The following CCNY variants were observed in gnomAD, a reference collection of about 807,000 sequenced individuals.
CCNY encodes cyclin Y.
A neutral mutation model predicts 42.8 loss-of-function variants in CCNY; 19 were observed. That is an observed-to-expected ratio of 0.44 (90% CI 0.31 to 0.65). CCNY has a LOEUF of 0.65. CCNY is among the 30% of genes least tolerant of loss of function. CCNY has a pLI of 0.07. For missense variants in CCNY, 370 were observed against 437.3 expected, an observed-to-expected ratio of 0.85 and a Z score of 1.37; for synonymous variants, 165 against 162.7, an observed-to-expected ratio of 1.01 and a Z score of -0.11.
intron 8 of CCNY, among the ~76,000 whole-genome samples, chr10:35,561,711 A>G (rs1039718881): frequency 2.0e-5 from 3 of 152,234 alleles, no homozygotes; most frequent in African/African-American, 7.2e-5. Flanking sequence ...CTCCTGCTCA[A>G]GAATTATCCA....
chr10:35,400,406 T>C (rs111337270), intron 1 of CCNY, among the ~76,000 whole-genome samples: 1,585 of 152,298 alleles, frequency 0.01, 24 homozygotes, highest in African/African-American at 0.036. Context: ...TTGAATTAGC[T>C]GGTTCAAAGA....
intron 3 of CCNY, among the ~76,000 whole-genome samples, chr10:35,307,332 G>C (rs1306895778): frequency 6.6e-6 from 1 of 152,244 alleles, no homozygotes; most frequent in Non-Finnish European, 1.5e-5. Context: ...TTACAAAAAA[G>C]AGTCAGCCCA....
intron 3 of CCNY, chr10:35,250,675 C>T (rs1461124098): frequency 1.3e-5 from 2 of 152,376 alleles, no homozygotes; most frequent in Non-Finnish European, 2.9e-5. Context: ...AGAGCCTCTT[C>T]CTGACATTCT....
chr10:35,250,850 A>T (rs2095711508), intron 3 of CCNY: 1 of 152,222 alleles, frequency 6.6e-6, no homozygotes. Flanking sequence ...CCTGATTGAG[A>T]CAATTGCTGT....
At chr10:35,447,982 G>A (rs1052325424) in intron 1 of CCNY, among the ~76,000 whole-genome samples, 15 of 152,178 alleles carry the variant, frequency 9.9e-5, no homozygotes, top group Non-Finnish European at 2.2e-4. Context: ...CTCCTCATTC[G>A]TTTTCAGCTA....
At chr10:35,454,502 C>G (rs528346744) in intron 1 of CCNY, among the ~76,000 whole-genome samples, 8 of 152,346 alleles carry the variant, frequency 5.3e-5, no homozygotes, top group African/African-American at 1.7e-4. Context: ...AACCTGGAGC[C>G]TGGTAGAGTT....
intron 1 of CCNY, among the ~76,000 whole-genome samples, chr10:35,401,866 C>T (rs1200270340): frequency 6.6e-6 from 1 of 152,118 alleles, no homozygotes; most frequent in Admixed American, 6.5e-5. Flanking sequence ...GTACATTGAT[C>T]AGTAGGGCAG....
chr10:35,516,378 G>A (rs995415674), intron 3 of CCNY, 145 bp from the exon 4 acceptor site: 2 of 654,108 alleles, frequency 3.1e-6, no homozygotes, highest in Non-Finnish European at 5.4e-6. Flanking sequence ...AAGTGTTTTT[G>A]TACTGTTCTT....
intron 1 of CCNY, among the ~76,000 whole-genome samples, chr10:35,406,927 C>T (rs1837791747): frequency 6.6e-6 from 1 of 152,118 alleles, no homozygotes; most frequent in Non-Finnish European, 1.5e-5. Flanking sequence ...GGAGCTTTTT[C>T]TAATGTCGGG....
At chr10:35,556,899 C>T (rs1177358189) in intron 8 of CCNY, among the ~76,000 whole-genome samples, 1 of 151,238 alleles carries the variant, frequency 6.6e-6, no homozygotes, top group African/African-American at 2.4e-5. Flanking sequence ...AGGCTGGAGT[C>T]CAATGGCGTG....
At chr10:35,428,606 C>CAGAG (rs141140368) in intron 1 of CCNY, among the ~76,000 whole-genome samples, 1 of 149,704 alleles carries the variant, frequency 6.7e-6, no homozygotes, top group South Asian at 2.1e-4. Context: ...AGGGTGAAGG[C>CAGAG]AGAGAGAGAG....
At chr10:35,265,637 G>A (rs763470108) in intron 3 of CCNY, among the ~76,000 whole-genome samples, 5 of 152,216 alleles carry the variant, frequency 3.3e-5, no homozygotes, top group Non-Finnish European at 7.3e-5. Context: ...TGCCGCTCCC[G>A]GCCGGCTTTG....
At chr10:35,259,562 G>A (rs1388937639) in intron 3 of CCNY, among the ~76,000 whole-genome samples, 2 of 143,310 alleles carry the variant, frequency 1.4e-5, no homozygotes, top group African/African-American at 2.7e-5. Flanking sequence ...GAGTGCAGTG[G>A]CATGATCTTG....
intron 3 of CCNY, among the ~76,000 whole-genome samples, chr10:35,307,814 A>G (rs1189414647): frequency 1.6e-5 from 1 of 63,484 alleles, no homozygotes; most frequent in African/African-American, 5.0e-5. Context: ...ATATATATAT[A>G]TATATTTTTT....
intron 2 of CCNY, among the ~76,000 whole-genome samples, chr10:35,483,961 TAAC>T (rs1839730080): frequency 1.3e-5 from 2 of 152,194 alleles, no homozygotes; most frequent in Non-Finnish European, 1.5e-5. Flanking sequence ...TCTATAATAA[TAAC>T]AACCATATCT....
intron 5 of CCNY, among the ~76,000 whole-genome samples, chr10:35,527,507 C>T (rs1840676352): frequency 6.6e-6 from 1 of 152,184 alleles, no homozygotes. Flanking sequence ...TTAATAACAA[C>T]TCCTTAAGGT....
chr10:35,552,385 C>A (rs574016243), intron 7 of CCNY, among the ~76,000 whole-genome samples: 1 of 152,072 alleles, frequency 6.6e-6, no homozygotes, highest in East Asian at 1.9e-4. Context: ...TATTATTTAA[C>A]GGGTATAGAG....
chr10:35,346,285 T>G (rs1836300114), intron 1 of CCNY, among the ~76,000 whole-genome samples: 2 of 152,220 alleles, frequency 1.3e-5, no homozygotes, highest in African/African-American at 2.4e-5. Context: ...CTTTTCTTTC[T>G]TGCTGTTGGC....
intron 1 of CCNY, among the ~76,000 whole-genome samples, chr10:35,451,813 G>A (rs575907716): frequency 5.9e-5 from 9 of 152,264 alleles, no homozygotes; most frequent in East Asian, 5.8e-4. Context: ...TCACCTCCAC[G>A]CATGGCAGGG....
Sources: gnomAD v4.1 joint callset for allele counts (sites outside exome capture counted in the v4.1 genomes callset) on GRCh38, gnomAD v4.1.1 for gene constraint, MANE v1.5 for transcripts, NCBI Gene and HGNC (gene_info 2026-07-23, HGNC 2026-07-21) for gene names.